Variants in RC3H2 observed in about 807,000 individuals in gnomAD.
RC3H2 encodes the protein ring finger and CCCH-type domains 2.
Under a neutral mutation model 133.3 loss-of-function variants are expected in RC3H2, and 31 were observed. The ratio of observed to expected loss-of-function variants is 0.23; its 90% CI spans 0.17 to 0.31. RC3H2 has a LOEUF of 0.31. Among genes scored for constraint, RC3H2 ranks in the 10% least tolerant of loss-of-function variants. RC3H2 has a pLI of 1.00. For synonymous variants in RC3H2, 517 were observed against 502.2 expected (o/e 1.03, Z -0.40); for missense variants, 1,175 against 1,437.2 (o/e 0.82, Z 2.95).
At position 122,848,735 on chromosome 9, in the gene RC3H2, G is replaced by A. The variant is rs953419628; in HGVS notation, c.*892C>T. ...TTTCTCAAGAAAGCTGAAAGCACCT[G>A]ATTCTTTTGCCAAGTCATCAGATTC... On this transcript the variant is annotated 3_prime_UTR_variant, in exon 21 of 21. Coordinates refer to ENST00000357244, the MANE Select transcript of RC3H2 (RefSeq NM_001100588.3). 5 of 152,126 alleles carry A rather than the reference G, an allele frequency of 3.3e-5. No homozygotes were observed. Among genetic ancestry groups the A allele is most frequent in the Admixed American group, 1.3e-4 (2 of 15,270 alleles). 9.4% of individuals were successfully genotyped at this position (152,126 alleles called of 1,614,324 possible).
At chr9:122,879,661 T>A in intron 8 of RC3H2, 94 bp downstream of exon 8, 2 of 809,934 alleles carry the variant, frequency 2.5e-6, no homozygotes, top group Non-Finnish European at 4.0e-6. Flanking sequence ...ATGAGTCACA[T>A]ACGGAGTCCA....
intron 10 of RC3H2, among the ~76,000 whole-genome samples, chr9:122,863,731 T>C (rs567412169): frequency 1.1e-3 from 165 of 152,242 alleles, no homozygotes; most frequent in Admixed American, 2.0e-3. Context: ...CCAGGGAAGA[T>C]TGTAAAAGTC....
chr9:122,849,513 A>G lies in RC3H2; in HGVS notation c.*114T>C. On this transcript the variant is annotated 3_prime_UTR_variant, in exon 21 of 21. Transcript: ENST00000357244. Reference sequence around the variant, plus strand: ...GAGTCCACAGGAAATGGATGCCCCCAGTAATATCTTTTTTTTAAAAAAAAT... The same window carrying G: ...GAGTCCACAGGAAATGGATGCCCCCGGTAATATCTTTTTTTTAAAAAAAAT... 1 of 323,916 alleles carries G rather than the reference A, an allele frequency of 3.1e-6. No individual in the cohort carries two copies. Among genetic ancestry groups the G allele is most frequent in the Non-Finnish European group, 5.0e-6 (1 of 199,358 alleles). The allele number at this position is 323,916 out of a possible 1,614,324, so 20.1% of individuals were successfully genotyped here.
intron 9 of RC3H2, chr9:122,874,609 C>T (rs1181622651): frequency 6.6e-6 from 1 of 152,248 alleles, no homozygotes; most frequent in Non-Finnish European, 1.5e-5. Flanking sequence ...ACCTGACCTC[C>T]CGAGTTCAAG....
intron 10 of RC3H2, among the ~76,000 whole-genome samples, chr9:122,862,945 G>C (rs1830514498): frequency 6.8e-6 from 1 of 146,526 alleles, no homozygotes; most frequent in Non-Finnish European, 1.5e-5. Context: ...TTAAAAAATT[G>C]AGATACAGTT....
chr9:122,855,928 C>T (rs367978296), intron 13 of RC3H2, 50 bp from the exon 14 acceptor site: 127 of 1,482,394 alleles, frequency 8.6e-5, no homozygotes, highest in Non-Finnish European at 1.0e-4. Context: ...CTTAAATTTA[C>T]AAGCTTGTAA....
intron 9 of RC3H2, among the ~76,000 whole-genome samples, chr9:122,868,881 G>A (rs1295842655): frequency 1.8e-3 from 20 of 11,030 alleles, no homozygotes; most frequent in South Asian, 0.011. Flanking sequence ...GTGTGTGTGT[G>A]TGTGTGTGTA....
At chr9:122,851,654 G>A (rs1264359892) in intron 18 of RC3H2, 3 of 539,508 alleles carry the variant, frequency 5.6e-6, no homozygotes, top group African/African-American at 3.8e-5. Flanking sequence ...GCGCCGCCAC[G>A]CCTGACTGGT....
In RC3H2 at chr9:122,905,345, C is replaced by A. The variant is rs2131522365; in HGVS notation, c.-303G>T. On this transcript the variant is annotated 5_prime_UTR_variant, in exon 1 of 21. Transcript: ENST00000357244. ...CTCCTCCTCCTCCTCACCACGGAGG[C>A]GGACCTGGAGGGATCCCGATCTAGC... The A allele has an allele frequency of 1.1e-6, 1 of 950,204 alleles. No individual in the cohort carries two copies. 58.9% of individuals were successfully genotyped at this position (950,204 alleles called of 1,614,324 possible). A position where few individuals can be genotyped will look rare whatever the true frequency, so the allele number is the denominator to read the frequency against.
chr9:122,877,365 CCTTAA>C (rs1316866309), intron 9 of RC3H2, 101 bp downstream of exon 9: 6 of 843,218 alleles, frequency 7.1e-6, no homozygotes, highest in Non-Finnish European at 5.8e-6. Context: ...GGTGCCCAGC[CCTTAA>C]CTTGCATTTT....
chr9:122,869,560 ATTTTTTTT>A (rs10560103), intron 9 of RC3H2, among the ~76,000 whole-genome samples: 2 of 104,530 alleles, frequency 1.9e-5, no homozygotes. Flanking sequence ...AGTTTACACG[ATTTTTTTT>A]TTTTTTTTTT....
At chr9:122,901,190 CCT>C (rs1435626674) in intron 1 of RC3H2, among the ~76,000 whole-genome samples, 1 of 152,114 alleles carries the variant, frequency 6.6e-6, no homozygotes, top group Non-Finnish European at 1.5e-5. Flanking sequence ...AAAATGTAAA[CCT>C]TAGGGCTTAG....
intron 1 of RC3H2, among the ~76,000 whole-genome samples, chr9:122,904,856 C>T (rs900797482): frequency 1.3e-5 from 2 of 152,176 alleles, no homozygotes; most frequent in African/African-American, 2.4e-5. Flanking sequence ...CAGAGGCGTC[C>T]GCTCGGCCAG....
intron 10 of RC3H2, among the ~76,000 whole-genome samples, chr9:122,860,983 T>G (rs1408938983): frequency 1.3e-5 from 2 of 152,174 alleles, no homozygotes; most frequent in Non-Finnish European, 2.9e-5. Flanking sequence ...GAGTAGGCAC[T>G]TGGTAAATAT....
intron 9 of RC3H2, among the ~76,000 whole-genome samples, chr9:122,870,580 G>A (rs1831043963): frequency 6.6e-6 from 1 of 152,146 alleles, no homozygotes; most frequent in Non-Finnish European, 1.5e-5. Context: ...TAGTATTGGG[G>A]CAGCTAAAGG....
chr9:122,852,576 G>T lies in RC3H2; in HGVS notation c.3118-1140C>A, dbSNP rs1279285048. ...CCCGGCCAGCCGCCCCGTCCGGGAG[G>T]GAGGTGTGGGGGTCAGCCCCCGGCC... On this transcript the variant is annotated intron_variant, in intron 18 of 20. Transcript: ENST00000357244. 6.5e-4 allele frequency among the ~76,000 whole-genome samples: 98 copies of T among 151,118 alleles called. 2 individuals carry two copies. The highest frequency in any genetic ancestry group is 6.0e-3 in the Admixed American group (92 of 15,252).
chr9:122,882,347 C>G (rs1379291883), intron 5 of RC3H2, among the ~76,000 whole-genome samples: 1 of 152,166 alleles, frequency 6.6e-6, no homozygotes, highest in African/African-American at 2.4e-5. Flanking sequence ...GAATTCACTT[C>G]AACACATTTC....
intron 9 of RC3H2, among the ~76,000 whole-genome samples, chr9:122,867,889 A>C: frequency 2.1e-5 from 1 of 48,628 alleles, no homozygotes; most frequent in East Asian, 4.1e-4. Context: ...TCCGGGAGGG[A>C]GGTGGGGGGG....
At chr9:122,852,902 C>T (rs1291274821) in intron 18 of RC3H2, among the ~76,000 whole-genome samples, 7 of 151,926 alleles carry the variant, frequency 4.6e-5, no homozygotes, top group Non-Finnish European at 8.8e-5. Context: ...TCATTGAGAA[C>T]GGGCCATGAT....
Sources: gnomAD v4.1 joint callset for allele counts (sites outside exome capture counted in the v4.1 genomes callset) on GRCh38, gnomAD v4.1.1 for gene constraint, MANE v1.5 for transcripts, NCBI Gene and HGNC (gene_info 2026-07-23, HGNC 2026-07-21) for gene names.